The following SLC25A48 variants were observed in gnomAD, a reference collection of about 807,000 sequenced individuals.
The protein encoded by SLC25A48 is CTC-321K16.1.
SLC25A48 carries 29 observed loss-of-function variants against 32.2 expected under a neutral mutation model. That is an observed-to-expected ratio of 0.90 (90% CI 0.67 to 1.23). The LOEUF is 1.23. SLC25A48 is among the 50% of genes most tolerant of loss of function. SLC25A48 has a pLI of 0.00. For synonymous variants in SLC25A48, 164 were observed against 172.3 expected, an observed-to-expected ratio of 0.95 and a Z score of 0.38; for missense variants, 399 against 422.7, an observed-to-expected ratio of 0.94 and a Z score of 0.49.
At chr5:135,719,098 T>C (rs574666587) in intron 3 of SLC25A48, among the ~76,000 whole-genome samples, 29 of 152,336 alleles carry the variant, frequency 1.9e-4, no homozygotes, top group Non-Finnish European at 4.0e-4. Flanking sequence ...GTACACAGGA[T>C]TTCTCTGTGT....
chr5:135,713,410 A>C (rs1489991938), intron 3 of SLC25A48, among the ~76,000 whole-genome samples: 1 of 152,222 alleles, frequency 6.6e-6, no homozygotes, highest in East Asian at 1.9e-4. Flanking sequence ...TCTCAGAGGC[A>C]CCAGGGGCCC....
intron 4 of SLC25A48, among the ~76,000 whole-genome samples, chr5:135,871,094 C>G (rs1246904713): frequency 7.5e-6 from 1 of 132,572 alleles, no homozygotes; most frequent in African/African-American, 3.0e-5. Flanking sequence ...CACACACACA[C>G]ACACACACAC....
At chr5:135,794,833 G>A (rs1000685316) in intron 3 of SLC25A48, among the ~76,000 whole-genome samples, 10 of 151,410 alleles carry the variant, frequency 6.6e-5, no homozygotes, top group East Asian at 1.9e-4. Flanking sequence ...CCTAATATTC[G>A]GGGGGGAAGT....
rs542264067 is a variant in SLC25A48, at chr5:135,767,961, G to A, written c.-520-44562G>A. Among the ~76,000 whole-genome samples, 19 of 148,328 alleles carry A rather than the reference G, an allele frequency of 1.3e-4. 1 individual carries two copies. The highest frequency in any genetic ancestry group is 4.8e-4 in the African/African-American group (19 of 39,492). ...GTGATATTGTTTGTAATATCCGGGG[G>A]GGGGAGAGGATAATATTACTCCCAA... On this transcript the variant is annotated intron_variant, in intron 3 of 10. Transcript: ENST00000646290.
intron 3 of SLC25A48, among the ~76,000 whole-genome samples, chr5:135,640,232 A>C (rs1752799445): frequency 6.6e-6 from 1 of 152,226 alleles, no homozygotes; most frequent in Non-Finnish European, 1.5e-5. Flanking sequence ...AGAATTGAGA[A>C]AAGAAAGAGT....
intron 3 of SLC25A48, among the ~76,000 whole-genome samples, chr5:135,659,127 T>G (rs801545): frequency 0.78 from 118,697 of 152,124 alleles, 46,625 homozygotes; most frequent in East Asian, 1. Flanking sequence ...AAACTTTTAT[T>G]CTCTGTTTCC....
rs140871873 is a variant in SLC25A48 at position 135,881,139 on chromosome 5, C to A, written c.*7+1042C>A. Among the ~76,000 whole-genome samples, 13 of 152,344 alleles carry A rather than the reference C, an allele frequency of 8.5e-5. No individual in the cohort carries two copies. The East Asian group carries it at 2.5e-3, about 29-fold the overall frequency. On this transcript the variant is annotated intron_variant, in intron 7 of 7. Transcript: ENST00000681962. Reference sequence around the variant, plus strand: ...CCTCCTCTTCCTCCCTGTGTTTTTTCTTCCTCATTGTCTGGCCCCATACCG... The same window carrying A: ...CCTCCTCTTCCTCCCTGTGTTTTTTATTCCTCATTGTCTGGCCCCATACCG...
chr5:135,716,061 GGT>G, intron 3 of SLC25A48, among the ~76,000 whole-genome samples: 1 of 152,180 alleles, frequency 6.6e-6, no homozygotes, highest in Non-Finnish European at 1.5e-5. Flanking sequence ...AAGGCTTTGT[GGT>G]ACCTGCAGCT....
chr5:135,735,800 A>G (rs540389349), intron 3 of SLC25A48, among the ~76,000 whole-genome samples: 1 of 152,270 alleles, frequency 6.6e-6, no homozygotes, highest in East Asian at 1.9e-4. Context: ...AGAGTTAGAT[A>G]TTGGAATTCC....
rs891678501 is a variant in SLC25A48, at chr5:135,834,678, C to A, written c.-170C>A. ...GCCCTCCGGCACTTGGAGAGGTGAG[C>A]GCGGCAGCCCGCGCAGCCGGTGACT... On this transcript the variant is annotated 5_prime_UTR_variant, in exon 1 of 8. Transcript: ENST00000681962. The A allele has an allele frequency of 1.0e-5, 7 of 687,696 alleles. No individual in the cohort carries two copies. Among genetic ancestry groups the A allele is most frequent in the Admixed American group, 6.3e-5 (2 of 31,616 alleles). 42.6% of individuals were successfully genotyped at this position (687,696 alleles called of 1,614,324 possible). A position where few individuals can be genotyped will look rare whatever the true frequency, so the allele number is the denominator to read the frequency against.
At chr5:135,873,304 C>A (rs1761806874) in intron 5 of SLC25A48, among the ~76,000 whole-genome samples, 2 of 152,218 alleles carry the variant, frequency 1.3e-5, no homozygotes, top group Non-Finnish European at 2.9e-5. Context: ...CTCTCCCCAT[C>A]TAGGAATGTA....
At chr5:135,656,273 G>T (rs557949469) in intron 3 of SLC25A48, among the ~76,000 whole-genome samples, 1 of 135,404 alleles carries the variant, frequency 7.4e-6, no homozygotes, top group East Asian at 1.9e-4. Flanking sequence ...GCCAGCACAC[G>T]GGAAGGTGTT....
chr5:135,766,545 G>C (rs756120320), intron 3 of SLC25A48, among the ~76,000 whole-genome samples: 4 of 151,340 alleles, frequency 2.6e-5, no homozygotes, highest in Non-Finnish European at 4.4e-5. Flanking sequence ...ACACACCCCT[G>C]TTATATGGTT....
At chr5:135,882,745 C>T (rs1228536727) in intron 7 of SLC25A48, among the ~76,000 whole-genome samples, 1 of 152,182 alleles carries the variant, frequency 6.6e-6, no homozygotes, top group Non-Finnish European at 1.5e-5. Flanking sequence ...GCCATCCCTA[C>T]CTGTCCAAGA....
intron 1 of SLC25A48, chr5:135,601,252 A>C (rs1008336933): frequency 2.6e-5 from 4 of 152,252 alleles, no homozygotes; most frequent in African/African-American, 9.7e-5. Context: ...TCGTGATAAT[A>C]ACCGCTGCCT....
rs559494133 is a variant in SLC25A48, at chr5:135,642,507, A to G, written c.-521+7551A>G. The stretch of plus-strand genomic sequence containing the variant: ...AAAGAGGTCTACAGCATGGTTCCCC[A>G]AAGAGCCGGGTGGAAATAGATGTAT... On this transcript the variant is annotated intron_variant, in intron 3 of 10. Coordinates refer to the SLC25A48 transcript ENST00000646290. 1.9e-3 allele frequency among the ~76,000 whole-genome samples: 287 copies of G among 152,360 alleles called. 1 individual carries two copies. Among genetic ancestry groups the G allele is most frequent in the African/African-American group, 6.3e-3 (263 of 41,574 alleles).
chr5:135,874,257 G>GGGCT (rs1761881196), intron 6 of SLC25A48, 103 bp downstream of exon 6: 2 of 1,302,068 alleles, frequency 1.5e-6, no homozygotes, highest in Non-Finnish European at 2.0e-6. Context: ...GGAGACCAGG[G>GGGCT]GGCTGCTGGT....
intron 2 of SLC25A48, 67 bp from the exon 3 acceptor site, chr5:135,850,358 G>T: frequency 1.3e-6 from 2 of 1,511,084 alleles, no homozygotes; most frequent in East Asian, 4.5e-5. Context: ...TTCCCTCTGG[G>T]CATCTCCGGA....
intron 3 of SLC25A48, among the ~76,000 whole-genome samples, chr5:135,748,804 C>T (rs974986164): frequency 9.9e-5 from 15 of 151,230 alleles, no homozygotes; most frequent in Non-Finnish European, 1.3e-4. Flanking sequence ...CTGCAACCTC[C>T]GCCTCCCAGG....
Sources: gnomAD v4.1 joint callset for allele counts (sites outside exome capture counted in the v4.1 genomes callset) on GRCh38, gnomAD v4.1.1 for gene constraint, MANE v1.5 for transcripts, NCBI Gene and HGNC (gene_info 2026-07-23, HGNC 2026-07-21) for gene names.